The following ZNF746 variants were observed in gnomAD, a reference collection of about 807,000 sequenced individuals.
The protein encoded by ZNF746 is parkin-interacting substrate.
ZNF746 carries 13 observed loss-of-function variants against 41.0 expected under a neutral mutation model. The ratio of observed to expected loss-of-function variants is 0.32; its 90% CI spans 0.21 to 0.50. The LOEUF (loss-of-function observed/expected upper bound fraction) is 0.50, where lower values mean the gene tolerates loss of function less well. Ranked by LOEUF, ZNF746 falls within the 20% of genes least tolerant of loss-of-function variation. ZNF746 has a pLI of 0.98. For synonymous variants in ZNF746, 424 were observed against 396.2 expected (o/e 1.07, Z -0.83); for missense variants, 811 against 922.9 (o/e 0.88, Z 1.57).
Position 149,474,007 on chromosome 7 carries a change from A to G in ZNF746, c.*377T>C, listed in dbSNP as rs1049053035. 1 of 302,152 alleles carries G rather than the reference A, an allele frequency of 3.3e-6. No homozygotes were observed. The highest frequency in any genetic ancestry group is 6.4e-6 in the Non-Finnish European group (1 of 156,372). The allele number at this position is 302,152 out of a possible 1,614,324, so 18.7% of individuals were successfully genotyped here. A position where few individuals can be genotyped will look rare whatever the true frequency, so the allele number is the denominator to read the frequency against. ...CAACTGGCCAACCTTCCAACACACT[A>G]TCAGACTCAGTGAGATAGTGACAGA... On this transcript the variant is annotated 3_prime_UTR_variant, in exon 7 of 7. Coordinates refer to ENST00000458143, the MANE Select transcript of ZNF746 (RefSeq NM_001394198.1). This position sits in a 1 kb window ranked among gnomAD's most constrained non-coding sequence, Gnocchi z 6.3.
chr7:149,474,294 G>A lies in ZNF746; in HGVS notation c.*90C>T, dbSNP rs922401089. On this transcript the variant is annotated 3_prime_UTR_variant, in exon 7 of 7. Transcript: ENST00000458143. The surrounding 1 kb of genome is among the most constrained non-coding windows in gnomAD (Gnocchi z 6.3). Reference sequence around the variant, plus strand: ...TTGGACATTTGGTTCTCCCCGTCCCGCGTCTGCCTGAAGCTTCCACGCCGC... The same window carrying A: ...TTGGACATTTGGTTCTCCCCGTCCCACGTCTGCCTGAAGCTTCCACGCCGC... 19 of 1,449,626 alleles carry A rather than the reference G, an allele frequency of 1.3e-5. No homozygotes were observed. In the African/African-American group the frequency reaches 2.4e-4, roughly 18 times the overall value. The allele number at this position is 1,449,626 out of a possible 1,614,324, so 89.8% of individuals were successfully genotyped here.
At chr7:149,495,509 G>A (rs1800965818) in intron 1 of ZNF746, among the ~76,000 whole-genome samples, 1 of 152,164 alleles carries the variant, frequency 6.6e-6, no homozygotes, top group Admixed American at 6.5e-5. Flanking sequence ...GTAGGGAGCT[G>A]GACTGTTTGA....
rs924001645 is a variant in ZNF746 at position 149,474,845 on chromosome 7, T to A, written c.1522A>T (p.Ser508Cys). Residue 508 changes from serine (S) to cysteine (C), a missense_variant, in exon 7 of 7, where the codon AGT becomes TGT. This residue lies in a region of ZNF746 where 495 missense variants were observed against 481.6 expected (regional missense o/e 1.03). Coordinates refer to ENST00000458143, the MANE Select transcript of ZNF746 (RefSeq NM_001394198.1). The surrounding 1 kb of genome is among the most constrained non-coding windows in gnomAD (Gnocchi z 6.3). ...CCGCTGCCGCCACCGCCGCCGCCAC[T>A]GCCGCTGCCGCCACCGCCTGTGCCC... Reference protein sequence around the residue: ...GPGTGGGGSGSGGGGGGSGGG... With the variant: ...GPGTGGGGSGCGGGGGGSGGG... 1.8e-5 allele frequency: 25 copies of A among 1,418,128 alleles called. No individual in the cohort carries two copies. In the Admixed American group the frequency reaches 7.8e-4, roughly 44 times the overall value. 87.8% of individuals were successfully genotyped at this position (1,418,128 alleles called of 1,614,324 possible). A position where few individuals can be genotyped will look rare whatever the true frequency, so the allele number is the denominator to read the frequency against.
rs1349618393 is a variant in ZNF746 at position 149,497,005 on chromosome 7, G to A, written c.24+508C>T. 3 of 985,404 alleles carry A rather than the reference G, an allele frequency of 3.0e-6. No individual in the cohort carries two copies. Among genetic ancestry groups the A allele is most frequent in the East Asian group, 1.1e-4 (1 of 8,804 alleles). The allele number at this position is 985,404 out of a possible 1,614,324, so 61.0% of individuals were successfully genotyped here. ...AGGCTTGCTGTGAGGACAGACTAAC[G>A]CCTCAACAGGGCTTGTGGAAGTGCG... On this transcript the variant is annotated intron_variant, in intron 1 of 6. Coordinates refer to ENST00000458143, the MANE Select transcript of ZNF746 (RefSeq NM_001394198.1). The surrounding 1 kb of genome is among the most constrained non-coding windows in gnomAD (Gnocchi z 4.2).
rs1474143327 is a variant in ZNF746 at position 149,474,875 on chromosome 7, C to T, written c.1492G>A (p.Gly498Ser). 1.3e-6 allele frequency: 2 copies of T among 1,505,890 alleles called. No homozygotes were observed. Among genetic ancestry groups the T allele is most frequent in the Non-Finnish European group, 1.8e-6 (2 of 1,133,026 alleles). 93.3% of individuals were successfully genotyped at this position (1,505,890 alleles called of 1,614,324 possible). A position where few individuals can be genotyped will look rare whatever the true frequency, so the allele number is the denominator to read the frequency against. Residue 498 changes from glycine to serine, a missense_variant, in exon 7 of 7, where the codon GGC becomes AGC. Physicochemically the swap from Gly to Ser is moderately conservative, Grantham distance 56. Transcript: ENST00000458143. This position sits in a 1 kb window ranked among gnomAD's most constrained non-coding sequence, Gnocchi z 6.3. ...QRSCGAPDGSGPGTGGGGSGS... is the reference protein window; with the variant it reads ...QRSCGAPDGSSPGTGGGGSGS... ...CTGCCGCCACCGCCTGTGCCCGGGC[C>T]CGACCCGTCGGGCGCCCCACAGCTG...
In ZNF746 at chr7:149,494,263, G is replaced by A. The variant is rs542533921; in HGVS notation, c.265C>T (p.Arg89Cys). Residue 89 changes from arginine to cysteine, a missense_variant, in exon 2 of 7, where the codon CGC becomes TGC. Coordinates refer to ENST00000458143, the MANE Select transcript of ZNF746 (RefSeq NM_001394198.1). The surrounding 1 kb of genome is among the most constrained non-coding windows in gnomAD (Gnocchi z 5.6). ...CGCAGGATCCAGAAGTTCCTGTTGCGCAGCAGGTTCTCCACGTTCTCCAGC... is the reference window on the plus strand; with the variant it reads ...CGCAGGATCCAGAAGTTCCTGTTGCACAGCAGGTTCTCCACGTTCTCCAGC... Reference protein sequence around the residue: ...RRLENVENLLRNRNFWILRLP... With the variant: ...RRLENVENLLCNRNFWILRLP... 4.3e-6 allele frequency: 7 copies of A among 1,614,122 alleles called. No homozygotes were observed. The highest frequency in any genetic ancestry group is 2.2e-5 in the East Asian group (1 of 44,866).
chr7:149,484,685 A>T (rs957814737), intron 4 of ZNF746, among the ~76,000 whole-genome samples: 3 of 6,894 alleles, frequency 4.4e-4, no homozygotes, highest in Admixed American at 5.4e-3. Flanking sequence ...ACAATAAAAC[A>T]AGAAAAAAAA....
chr7:149,474,144 G>T lies in ZNF746; in HGVS notation c.*240C>A. On this transcript the variant is annotated 3_prime_UTR_variant, in exon 7 of 7. Transcript: ENST00000458143. This position sits in a 1 kb window ranked among gnomAD's most constrained non-coding sequence, Gnocchi z 6.3. ...AAACAAAAAACAAAAAACAAAACAG[G>T]TTTGCAATTAAATTACTTAAAATTC... 1.9e-6 allele frequency: 1 copy of T among 539,502 alleles called. No homozygotes were observed. The highest frequency in any genetic ancestry group is 1.9e-5 in the African/African-American group (1 of 51,724). 33.4% of individuals were successfully genotyped at this position (539,502 alleles called of 1,614,324 possible).
intron 5 of ZNF746, 85 bp downstream of exon 5, chr7:149,477,479 G>A (rs897400236): frequency 1.2e-5 from 17 of 1,445,436 alleles, no homozygotes; most frequent in South Asian, 1.0e-4. Context: ...AGGGCCCACA[G>A]CTCCCCCATG....
chr7:149,478,189 G>A (rs761766858), intron 4 of ZNF746, among the ~76,000 whole-genome samples: 1 of 151,960 alleles, frequency 6.6e-6, no homozygotes, highest in Non-Finnish European at 1.5e-5. Context: ...AACACACAGA[G>A]TCAATCACGA....
In ZNF746 at chr7:149,474,952, G is replaced by A. The variant is rs1161204280; in HGVS notation, c.1415C>T (p.Ala472Val). ...CAGCTGGAAGCTCTTCCCACACGTGGCGCAGGTGAAGGGCCGGCCCCCGGG... is the reference window on the plus strand; with the variant it reads ...CAGCTGGAAGCTCTTCCCACACGTGACGCAGGTGAAGGGCCGGCCCCCGGG... ...APPGGRPFTC[A>V]TCGKSFQLQV... Residue 472 changes from alanine to valine, a missense_variant, in exon 7 of 7, where the codon GCC becomes GTC. This residue lies in a region of ZNF746 where 495 missense variants were observed against 481.6 expected (regional missense o/e 1.03). Coordinates refer to ENST00000458143, the MANE Select transcript of ZNF746 (RefSeq NM_001394198.1). The surrounding 1 kb of genome is among the most constrained non-coding windows in gnomAD (Gnocchi z 6.3). 6.5e-7 allele frequency: 1 copy of A among 1,546,562 alleles called. No homozygotes were observed. Among genetic ancestry groups the A allele is most frequent in the Non-Finnish European group, 8.7e-7 (1 of 1,146,686 alleles).
chr7:149,488,829 G>A (rs1800704442), intron 4 of ZNF746: 1 of 152,192 alleles, frequency 6.6e-6, no homozygotes, highest in South Asian at 2.1e-4. Flanking sequence ...CTACTCCCTG[G>A]AGCAGCATCC....
At chr7:149,496,148 T>A (rs1965620) in intron 1 of ZNF746, among the ~76,000 whole-genome samples, 2 of 151,930 alleles carry the variant, frequency 1.3e-5, no homozygotes, top group Non-Finnish European at 2.9e-5. Flanking sequence ...TGCATTATTA[T>A]GGGCTTTGTG....
Position 149,497,633 on chromosome 7 carries a change from G to A in ZNF746, c.-97C>T. On this transcript the variant is annotated 5_prime_UTR_variant, in exon 1 of 7. Coordinates refer to ENST00000458143, the MANE Select transcript of ZNF746 (RefSeq NM_001394198.1). This position sits in a 1 kb window ranked among gnomAD's most constrained non-coding sequence, Gnocchi z 4.2. ...CGGCCGCCCGGTGCTCTCCGCAGGC[G>A]GCGCCTGCCTGGCCTTTCCTCTGCC... 2 of 943,314 alleles carry A rather than the reference G, an allele frequency of 2.1e-6. No homozygotes were observed. The highest frequency in any genetic ancestry group is 2.5e-6 in the Non-Finnish European group (2 of 786,512). The allele number at this position is 943,314 out of a possible 1,614,324, so 58.4% of individuals were successfully genotyped here. A position where few individuals can be genotyped will look rare whatever the true frequency, so the allele number is the denominator to read the frequency against.
chr7:149,476,503 A>G (rs915486410), intron 6 of ZNF746, among the ~76,000 whole-genome samples: 1 of 152,106 alleles, frequency 6.6e-6, no homozygotes, highest in African/African-American at 2.4e-5. Flanking sequence ...AAGCTAACAG[A>G]TAAATTTGGT....
chr7:149,483,731 A>G (rs1395741332), intron 4 of ZNF746, among the ~76,000 whole-genome samples: 1 of 152,200 alleles, frequency 6.6e-6, no homozygotes, highest in Non-Finnish European at 1.5e-5. Context: ...TACATATAAG[A>G]GTATCATAAA....
At chr7:149,477,872 G>GT (rs1293107056) in intron 4 of ZNF746, 117 bp from the exon 5 acceptor site, 1 of 831,558 alleles carries the variant, frequency 1.2e-6, no homozygotes, top group African/African-American at 1.7e-5. Context: ...CAGCAAAAGA[G>GT]CCTGGTGGGA....
chr7:149,472,855 A>G lies in ZNF746; in HGVS notation c.*1529T>C, dbSNP rs1261341741. On this transcript the variant is annotated 3_prime_UTR_variant, in exon 7 of 7. Transcript: ENST00000458143. Reference sequence around the variant, plus strand: ...TCTCTTATTTTTCAAAATATCAGTTATATCAATATTAGAAGTGTAAACAGG... The same window carrying G: ...TCTCTTATTTTTCAAAATATCAGTTGTATCAATATTAGAAGTGTAAACAGG... 6.6e-6 allele frequency: 1 copy of G among 152,654 alleles called. No homozygotes were observed. The highest frequency in any genetic ancestry group is 2.1e-4 in the South Asian group (1 of 4,834). The allele number at this position is 152,654 out of a possible 1,614,324, so 9.5% of individuals were successfully genotyped here.
At chr7:149,488,437 G>A (rs749853650) in intron 4 of ZNF746, 5 of 152,030 alleles carry the variant, frequency 3.3e-5, no homozygotes, top group Non-Finnish European at 4.4e-5. Flanking sequence ...GAACTACAAC[G>A]TTAAAGACCT....
Sources: gnomAD v4.1 joint callset for allele counts (sites outside exome capture counted in the v4.1 genomes callset) on GRCh38, gnomAD v4.1.1 for gene constraint, gnomAD v4.1.1 regional missense constraint, Gnocchi (gnomAD v3.1) non-coding constraint, MANE v1.5 for transcripts, NCBI Gene and HGNC (gene_info 2026-07-23, HGNC 2026-07-21) for gene names.